Variants in CDON observed in about 807,000 individuals in gnomAD.
The protein encoded by CDON is cell adhesion molecule-related/down-regulated by oncogenes.
Under a neutral mutation model 120.9 loss-of-function variants are expected in CDON, and 73 were observed. That is an observed-to-expected ratio of 0.60 (90% CI 0.50 to 0.73). CDON has a LOEUF of 0.73. Ranked by LOEUF, CDON falls within the 30% of genes least tolerant of loss-of-function variation. The pLI is 0.00. For synonymous variants in CDON, 566 were observed against 573.5 expected (o/e 0.99, Z 0.19); for missense variants, 1,470 against 1,587.3 (o/e 0.93, Z 1.26).
At position 125,994,943 on chromosome 11, in the gene CDON, G is replaced by T; in HGVS notation, c.2472C>A (p.Ser824Arg). The part of the protein sequence containing the change: ...QVVGFPNRFS[S>R]RPITGPHIAY... ...CAATGTGAGGTCCAGTTATTGGACG[G>T]CTGGAAAAGCGATTGGGGAACCCAA... The change falls in exon 13 of 20, where the codon AGC becomes AGA. Residue 824 changes from serine to arginine, a missense_variant. Ser to Arg is a moderately radical substitution (Grantham distance 110). Coordinates refer to ENST00000531738, the MANE Select transcript of CDON (RefSeq NM_001378964.1). The T allele has an allele frequency of 6.2e-7, 1 of 1,614,038 alleles. No individual in the cohort carries two copies. Among genetic ancestry groups the T allele is most frequent in the Non-Finnish European group, 8.5e-7 (1 of 1,179,872 alleles).
intron 18 of CDON, among the ~76,000 whole-genome samples, chr11:125,976,310 G>C (rs1255394947): frequency 1.3e-5 from 2 of 152,110 alleles, no homozygotes; most frequent in African/African-American, 4.8e-5. Context: ...TTGCTCCTGG[G>C]AGCCAGGTGA....
At chr11:126,035,995 G>A (rs954093808) in intron 1 of CDON, among the ~76,000 whole-genome samples, 2 of 152,098 alleles carry the variant, frequency 1.3e-5, no homozygotes, top group African/African-American at 2.4e-5. Context: ...ACACAACACT[G>A]GCAGGATGGT....
At chr11:126,006,152 A>G in intron 8 of CDON, 95 bp from the exon 9 acceptor site, 1 of 1,151,820 alleles carries the variant, frequency 8.7e-7, no homozygotes, top group Non-Finnish European at 1.3e-6. Context: ...TTGTATTGTT[A>G]GCACAATTTG....
rs1305176432 is a variant in CDON at position 126,018,428 on chromosome 11, A to C, written c.542T>G (p.Val181Gly). 1 of 1,613,260 alleles carries C rather than the reference A, an allele frequency of 6.2e-7. No individual in the cohort carries two copies. The highest frequency in any genetic ancestry group is 1.7e-5 in the Admixed American group (1 of 60,024). The change falls in exon 5 of 20, where the codon GTA becomes GGA. Residue 181 changes from valine (V) to glycine (G), a missense_variant. Val to Gly is a moderately radical substitution (Grantham distance 109). Coordinates refer to ENST00000531738, the MANE Select transcript of CDON (RefSeq NM_001378964.1). ...GTATGATCCCTTGTCCTCTAAGGAT[A>C]CATTCAAAATCTGAAGATTTCCTGA... ...LPSGNLQILN[V>G]SLEDKGSYKC...
intron 18 of CDON, among the ~76,000 whole-genome samples, chr11:125,965,160 A>C (rs556586727): frequency 2.0e-5 from 3 of 152,310 alleles, no homozygotes; most frequent in Admixed American, 2.0e-4. Context: ...CAAACTCCTG[A>C]GTTCAGGCAA....
intron 12 of CDON, among the ~76,000 whole-genome samples, chr11:125,996,570 G>A (rs1946789909): frequency 6.6e-6 from 1 of 151,564 alleles, no homozygotes; most frequent in Non-Finnish European, 1.5e-5. Flanking sequence ...CGTAGTGGCA[G>A]GCACCTGTAA....
In CDON at chr11:125,984,028, C is replaced by G. The variant is rs761948945; in HGVS notation, c.2839G>C (p.Gly947Arg). Reference sequence around the variant, plus strand: ...GCAGGCCCCACATTTCCTCCACTTCCCAAAGAATTTGGAGGGGTACTCAAG... The same window carrying G: ...GCAGGCCCCACATTTCCTCCACTTCGCAAAGAATTTGGAGGGGTACTCAAG... ...KDLSTPPNSL[G>R]SGGNVGPATS... The change falls in exon 16 of 20, where the codon GGA becomes CGA. Residue 947 changes from glycine to arginine, a missense_variant. Transcript: ENST00000531738. 24 of 1,613,944 alleles carry G rather than the reference C, an allele frequency of 1.5e-5. No individual in the cohort carries two copies. Among genetic ancestry groups the G allele is most frequent in the Non-Finnish European group, 2.0e-5 (24 of 1,179,996 alleles).
intron 1 of CDON, among the ~76,000 whole-genome samples, chr11:126,042,431 A>T (rs914340683): frequency 6.6e-6 from 1 of 152,216 alleles, no homozygotes; most frequent in Non-Finnish European, 1.5e-5. Context: ...TAATTCTGAT[A>T]ATCTAATCCA....
chr11:126,043,869 A>G (rs544715309), intron 1 of CDON, among the ~76,000 whole-genome samples: 4 of 152,320 alleles, frequency 2.6e-5, no homozygotes, highest in African/African-American at 9.6e-5. Flanking sequence ...AATTGACTGA[A>G]AAAAAAGGTC....
intron 1 of CDON, among the ~76,000 whole-genome samples, chr11:126,049,253 C>A (rs1001251227): frequency 2.0e-5 from 3 of 152,134 alleles, no homozygotes; most frequent in African/African-American, 4.8e-5. Context: ...AACTTACAGA[C>A]AAGCATCATC....
intron 2 of CDON, 27 bp from the exon 3 acceptor site, chr11:126,021,547 A>G (rs1258098488): frequency 6.2e-7 from 1 of 1,607,228 alleles, no homozygotes; most frequent in Non-Finnish European, 8.5e-7. Context: ...CCCATATGCA[A>G]AGAAAGCAGG....
chr11:126,025,907 T>C (rs1947781080), intron 1 of CDON, among the ~76,000 whole-genome samples: 1 of 152,204 alleles, frequency 6.6e-6, no homozygotes, highest in Non-Finnish European at 1.5e-5. Flanking sequence ...CATGCCATTC[T>C]CCAGATATGG....
intron 17 of CDON, 30 bp from the exon 18 acceptor site, chr11:125,978,413 A>C (rs766558062): frequency 1.4e-6 from 2 of 1,443,372 alleles, no homozygotes; most frequent in Non-Finnish European, 1.9e-6. Flanking sequence ...AGAGAAAAAG[A>C]AAAGAAGAAG....
chr11:126,043,867 GA>G (rs764029409), intron 1 of CDON, among the ~76,000 whole-genome samples: 1 of 151,814 alleles, frequency 6.6e-6, no homozygotes, highest in Non-Finnish European at 1.5e-5. Flanking sequence ...GAAATTGACT[GA>G]AAAAAAAGGT....
intron 16 of CDON, among the ~76,000 whole-genome samples, chr11:125,981,965 A>ATTTT (rs1591562448): frequency 1.5e-4 from 5 of 34,400 alleles, no homozygotes; most frequent in South Asian, 1.0e-3. Context: ...AAGTGATTCT[A>ATTTT]TTTTCTTTTT....
chr11:125,991,797 A>C (rs1277474115), intron 14 of CDON, among the ~76,000 whole-genome samples: 1 of 152,322 alleles, frequency 6.6e-6, no homozygotes, highest in East Asian at 1.9e-4. Flanking sequence ...TACACAGCAT[A>C]GTGAAGTCCA....
Position 126,017,380 on chromosome 11 carries a change from AAAAGG to A in CDON, c.641-10_641-6del, listed in dbSNP as rs1947501620. ...GAACATCATCTGAAGAAGGACCTGG[AAAAGG>A]AAAGGAGATGAGAGATTATTAGTAA... is the stretch of plus-strand genomic sequence containing the variant. On this transcript the variant is annotated splice_region_variant and splice_polypyrimidine_tract_variant and intron_variant, in intron 5 of 19. Coordinates refer to ENST00000531738, the MANE Select transcript of CDON (RefSeq NM_001378964.1). 1 of 1,613,652 alleles carries A rather than the reference AAAAGG, an allele frequency of 6.2e-7. No individual in the cohort carries two copies. Among genetic ancestry groups the A allele is most frequent in the African/African-American group, 1.3e-5 (1 of 74,934 alleles).
At chr11:126,022,101 C>CAAAAAAAAAAAAAAA (rs56788784) in intron 2 of CDON, among the ~76,000 whole-genome samples, 1 of 56,552 alleles carries the variant, frequency 1.8e-5, no homozygotes, top group African/African-American at 6.3e-5. Flanking sequence ...GACCCTGCTT[C>CAAAAAAAAAAAAAAA]AAAAAAAAAA....
At chr11:126,039,245 G>C (rs997505585) in intron 1 of CDON, among the ~76,000 whole-genome samples, 1 of 152,082 alleles carries the variant, frequency 6.6e-6, no homozygotes, top group Admixed American at 6.6e-5. Flanking sequence ...ATTGTACATA[G>C]GTCATTTTAC....
Sources: allele counts gnomAD v4.1 joint callset (sites outside exome capture counted in the v4.1 genomes callset), GRCh38; gene constraint gnomAD v4.1.1; transcripts MANE v1.5; gene names NCBI Gene and HGNC (gene_info 2026-07-23, HGNC 2026-07-21).